The following RBFOX1 variants were observed in gnomAD, a reference collection of about 807,000 sequenced individuals.
The protein encoded by RBFOX1 is RNA binding fox-1 homolog 1.
In RBFOX1, 8 loss-of-function variants were observed where a neutral mutation model predicts 57.7. That is an observed-to-expected ratio of 0.14 (90% CI 0.08 to 0.25). The LOEUF is 0.25. Ranked by LOEUF, RBFOX1 falls within the 10% of genes least tolerant of loss-of-function variation. RBFOX1 has a pLI of 1.00. For missense variants in RBFOX1, 611 were observed against 548.5 expected (o/e 1.11, Z -1.14); for synonymous variants, 326 against 222.4 (o/e 1.47, Z -4.15).
chr16:6,400,536 G>GA (rs369511925), intron 2 of RBFOX1, among the ~76,000 whole-genome samples: 2 of 151,846 alleles, frequency 1.3e-5, no homozygotes, highest in African/African-American at 2.4e-5. Context: ...TTTAAAACTA[G>GA]AAAAAAAGAA....
rs566548159 is a variant in RBFOX1 at position 5,843,156 on chromosome 16, G to C, written c.319-24147G>C. 9.2e-5 allele frequency among the ~76,000 whole-genome samples: 14 copies of C among 152,196 alleles called. No homozygotes were observed. In the South Asian group the frequency reaches 2.5e-3, roughly 27 times the overall value. On this transcript the variant is annotated intron_variant, in intron 3 of 19. Transcript: ENST00000641259. The stretch of plus-strand genomic sequence containing the variant: ...ATTTTTATTTTTATCTTTCATTATA[G>C]GTTCAGGGGTACATGTGCAGGTTTA...
At chr16:6,581,827 T>C (rs7206001) in intron 2 of RBFOX1, among the ~76,000 whole-genome samples, 77,211 of 152,070 alleles carry the variant, frequency 0.51, 20,197 homozygotes, top group East Asian at 0.67. Context: ...TTTGGTGTTA[T>C]ATCCCTCAAA....
chr16:6,726,151 A>T (rs2067119623), intron 3 of RBFOX1, among the ~76,000 whole-genome samples: 1 of 152,016 alleles, frequency 6.6e-6, no homozygotes, highest in Non-Finnish European at 1.5e-5. Flanking sequence ...TTCCTTTTTT[A>T]CTGTTATTAA....
At chr16:6,412,746 C>G (rs990412105) in intron 2 of RBFOX1, among the ~76,000 whole-genome samples, 2 of 152,166 alleles carry the variant, frequency 1.3e-5, no homozygotes, top group African/African-American at 4.8e-5. Context: ...GAAGCACTTA[C>G]TTAGTTGTCT....
intron 1 of RBFOX1, among the ~76,000 whole-genome samples, chr16:5,248,042 C>G (rs1268559425): frequency 6.6e-6 from 1 of 152,192 alleles, no homozygotes; most frequent in Non-Finnish European, 1.5e-5. Context: ...CCTGTTCTAA[C>G]ATTTTCCTAA....
At chr16:7,498,823 A>T (rs1298475640) in intron 4 of RBFOX1, among the ~76,000 whole-genome samples, 1 of 152,192 alleles carries the variant, frequency 6.6e-6, no homozygotes, top group Non-Finnish European at 1.5e-5. Context: ...GACTAGGATT[A>T]CAATATCTGC....
chr16:5,499,411 C>G (rs915073144), intron 2 of RBFOX1, among the ~76,000 whole-genome samples: 2 of 152,148 alleles, frequency 1.3e-5, no homozygotes, highest in African/African-American at 4.8e-5. Flanking sequence ...CCTGACCCAC[C>G]TTTCAGGTTC....
chr16:6,741,955 A>G (rs2154183372), intron 3 of RBFOX1, among the ~76,000 whole-genome samples: 1 of 152,318 alleles, frequency 6.6e-6, no homozygotes, highest in African/African-American at 2.4e-5. Context: ...TCTGTATTAT[A>G]TTCTTGAAAA....
chr16:7,254,436 C>G (rs538751035), intron 4 of RBFOX1, among the ~76,000 whole-genome samples: 149 of 152,162 alleles, frequency 9.8e-4, no homozygotes, highest in African/African-American at 3.5e-3. Flanking sequence ...TATCACTGGC[C>G]TGATTAAACA....
intron 3 of RBFOX1, among the ~76,000 whole-genome samples, chr16:5,700,253 C>T (rs2050997218): frequency 6.6e-6 from 1 of 151,620 alleles, no homozygotes; most frequent in Non-Finnish European, 1.5e-5. Flanking sequence ...TATTATATGC[C>T]TCAGTATTCA....
At chr16:7,383,591 C>T (rs2097822993) in intron 4 of RBFOX1, among the ~76,000 whole-genome samples, 1 of 152,094 alleles carries the variant, frequency 6.6e-6, no homozygotes, top group African/African-American at 2.4e-5. Context: ...TTCCCATTCT[C>T]CATGTTGAAA....
chr16:6,988,440 G>C (rs192922846), intron 3 of RBFOX1, among the ~76,000 whole-genome samples: 1 of 152,164 alleles, frequency 6.6e-6, no homozygotes, highest in African/African-American at 2.4e-5. Flanking sequence ...GTTTTAAATA[G>C]CTCATTGAGA....
At chr16:5,384,537 A>T (rs1222313931) in intron 1 of RBFOX1, among the ~76,000 whole-genome samples, 2 of 152,216 alleles carry the variant, frequency 1.3e-5, no homozygotes, top group African/African-American at 4.8e-5. Flanking sequence ...GCAGAGGGAC[A>T]ATCAAGGTAG....
intron 1 of RBFOX1, among the ~76,000 whole-genome samples, chr16:6,268,712 A>T (rs917697355): frequency 6.6e-6 from 1 of 152,188 alleles, no homozygotes; most frequent in South Asian, 2.1e-4. Context: ...GTTCTTAGGG[A>T]TCTTACAGTT....
At chr16:6,348,658 C>T (rs1320269541) in intron 2 of RBFOX1, among the ~76,000 whole-genome samples, 1 of 152,150 alleles carries the variant, frequency 6.6e-6, no homozygotes, top group African/African-American at 2.4e-5. Context: ...GGAGGCATCT[C>T]AGAGCAGGAG....
intron 4 of RBFOX1, among the ~76,000 whole-genome samples, chr16:7,245,661 T>G (rs1341275683): frequency 6.6e-6 from 1 of 152,234 alleles, no homozygotes; most frequent in Admixed American, 6.5e-5. Context: ...TTACTTAGCC[T>G]TATGTTTTTG....
intron 4 of RBFOX1, among the ~76,000 whole-genome samples, chr16:7,419,595 G>C (rs1227097208): frequency 6.6e-6 from 1 of 152,234 alleles, no homozygotes; most frequent in Non-Finnish European, 1.5e-5. Context: ...CTAATTAGCT[G>C]TTGATAACAG....
In RBFOX1 at chr16:7,076,517, T is replaced by C. The variant is rs865800817; in HGVS notation, c.27+24419T>C. ...TTTCATATGCCTAATATACAAAAAA[T>C]AATGCCATATCCCTTCTCACTTGAC... On this transcript the variant is annotated intron_variant, in intron 4 of 15. Transcript: ENST00000550418. Among the ~76,000 whole-genome samples the C allele has an allele frequency of 5.3e-4, 80 of 152,252 alleles. 1 individual carries two copies. The Middle Eastern group carries it at 0.01, about 19-fold the overall frequency.
intron 4 of RBFOX1, among the ~76,000 whole-genome samples, chr16:7,274,136 C>G (rs958268507): frequency 3.9e-5 from 6 of 152,116 alleles, no homozygotes; most frequent in African/African-American, 1.4e-4. Flanking sequence ...TTTATGATGC[C>G]TTTGTCTATC....
Sources: allele counts gnomAD v4.1 joint callset (sites outside exome capture counted in the v4.1 genomes callset), GRCh38; gene constraint gnomAD v4.1.1; transcripts MANE v1.5; gene names NCBI Gene and HGNC (gene_info 2026-07-23, HGNC 2026-07-21).